BTNL3: variants seen among roughly 807,000 people sequenced by gnomAD.
BTNL3 encodes butyrophilin-like protein 3.
A neutral mutation model predicts 40.1 loss-of-function variants in BTNL3; 20 were observed. The ratio of observed to expected loss-of-function variants is 0.50; its 90% CI spans 0.35 to 0.72. The LOEUF is 0.72. BTNL3 is among the 30% of genes least tolerant of loss of function. The pLI is 0.01. For missense variants in BTNL3, 449 were observed against 582.2 expected, an observed-to-expected ratio of 0.77 and a Z score of 2.35; for synonymous variants, 179 against 222.1, an observed-to-expected ratio of 0.81 and a Z score of 1.73.
rs1052584765 is a variant in BTNL3 at position 180,999,851 on chromosome 5, A to C, written c.673+2363A>C. ...GTAAAATACAAAATCCGAAGGAAAG[A>C]TAGACTACCTGACTAATTTGTAACC... On this transcript the variant is annotated intron_variant, in intron 3 of 7. Coordinates refer to ENST00000342868, the MANE Select transcript of BTNL3 (RefSeq NM_197975.3). Among the ~76,000 whole-genome samples, 13 of 136,398 alleles carry C rather than the reference A, an allele frequency of 9.5e-5. 2 individuals are homozygous for C. The highest frequency in any genetic ancestry group is 2.2e-4 in the Non-Finnish European group (13 of 59,752). The allele number at this position is 136,398 out of a possible 152,430, so 89.5% of individuals were successfully genotyped here. A position where few individuals can be genotyped will look rare whatever the true frequency, so the allele number is the denominator to read the frequency against.
intron 2 of BTNL3, among the ~76,000 whole-genome samples, chr5:180,994,083 G>A (rs950256052): frequency 1.5e-5 from 2 of 137,042 alleles, no homozygotes; most frequent in Non-Finnish European, 3.3e-5. Context: ...GATTACAGGT[G>A]TGAGCCACCA....
At chr5:181,004,996 G>A (rs553113439) in intron 7 of BTNL3, among the ~76,000 whole-genome samples, 1 of 152,250 alleles carries the variant, frequency 6.6e-6, no homozygotes, top group East Asian at 1.9e-4. Flanking sequence ...TTAGTAGCTG[G>A]CTTCTAGGGG....
At position 181,005,771 on chromosome 5, in the gene BTNL3, A is replaced by G. The variant is rs778642722; in HGVS notation, c.1300A>G (p.Thr434Ala). 5.0e-6 allele frequency: 8 copies of G among 1,614,064 alleles called. No homozygotes were observed. The South Asian group carries it at 5.5e-5, about 11-fold the overall frequency. The change falls in exon 8 of 8, where the codon ACA (threonine) becomes GCA (alanine). Residue 434 changes from threonine to alanine, a missense_variant. By Grantham distance (58) the Thr-to-Ala change is moderately conservative. Transcript: ENST00000342868. Reference sequence around the variant, plus strand: ...CCAGTCCCTTATTTATACCCTGCTGACATGTCAGTTTGAAGGCTTGTTGAG... The same window carrying G: ...CCAGTCCCTTATTTATACCCTGCTGGCATGTCAGTTTGAAGGCTTGTTGAG... ...NDQSLIYTLL[T>A]CQFEGLLRPY...
chr5:181,003,911 T>C (rs776344178), intron 5 of BTNL3, 35 bp downstream of exon 5: 1 of 1,613,878 alleles, frequency 6.2e-7, no homozygotes. Context: ...CACACATGGT[T>C]CTCCCGGGTC....
Position 181,006,077 on chromosome 5 carries a change from G to A in BTNL3, c.*205G>A. ...ACAGCTTCCAGATGAGGGGGGATTG[G>A]CCTGACCCTGTGGGAGTCAGAAGCC... is the stretch of plus-strand genomic sequence containing the variant. On this transcript the variant is annotated 3_prime_UTR_variant, in exon 8 of 8. Coordinates refer to ENST00000342868, the MANE Select transcript of BTNL3 (RefSeq NM_197975.3). 1.8e-6 allele frequency: 1 copy of A among 569,472 alleles called. No individual in the cohort carries two copies. The highest frequency in any genetic ancestry group is 3.3e-5 in the South Asian group (1 of 30,522). The allele number at this position is 569,472 out of a possible 1,614,324, so 35.3% of individuals were successfully genotyped here.
In BTNL3 at chr5:181,001,504, G is replaced by GGGA. The variant is rs1554149547; in HGVS notation, c.674-1166_674-1165insAGG. Among the ~76,000 whole-genome samples the GGGA allele has an allele frequency of 4.6e-5, 6 of 129,672 alleles. 2 individuals carry two copies. The highest frequency in any genetic ancestry group is 2.3e-4 in the South Asian group (1 of 4,258). The allele number at this position is 129,672 out of a possible 152,430, so 85.1% of individuals were successfully genotyped here. A position where few individuals can be genotyped will look rare whatever the true frequency, so the allele number is the denominator to read the frequency against. ...AATTTTAAATATTTTTATAGATGGG[G>GGGA]GGGGGTCTCACTTTGTTGCCTAGAC... On this transcript the variant is annotated intron_variant, in intron 3 of 7. Coordinates refer to ENST00000342868, the MANE Select transcript of BTNL3 (RefSeq NM_197975.3).
rs544249248 is a variant in BTNL3, at chr5:180,992,553, C to T, written c.50-260C>T. On this transcript the variant is annotated intron_variant, in intron 1 of 7. Coordinates refer to ENST00000342868, the MANE Select transcript of BTNL3 (RefSeq NM_197975.3). The stretch of plus-strand genomic sequence containing the variant: ...CCCCTGAATAACTCATCCCCAGAGA[C>T]AGGGTTTCCTCATGTTGAATGTGGG... 5.8e-5 allele frequency among the ~76,000 whole-genome samples: 8 copies of T among 137,154 alleles called. 2 individuals are homozygous for T. The South Asian group carries it at 1.7e-3, about 30-fold the overall frequency. 90.0% of individuals were successfully genotyped at this position (137,154 alleles called of 152,430 possible). A position where few individuals can be genotyped will look rare whatever the true frequency, so the allele number is the denominator to read the frequency against.
At chr5:181,003,176 C>T (rs1339840917) in intron 4 of BTNL3, among the ~76,000 whole-genome samples, 1 of 134,096 alleles carries the variant, frequency 7.5e-6, no homozygotes, top group African/African-American at 2.6e-5. Flanking sequence ...GGCAACATGG[C>T]GAGAACTCCT....
At chr5:181,004,850 A>C (rs1358207513) in intron 7 of BTNL3, 88 bp downstream of exon 7, 1 of 1,612,276 alleles carries the variant, frequency 6.2e-7, no homozygotes. Flanking sequence ...GTAGACAGCA[A>C]ATCTGTGATG....
chr5:180,996,139 T>C lies in BTNL3; in HGVS notation c.398-1074T>C, dbSNP rs563295177. ...GTGGTTAAAAGGCAATATTAAATCA[T>C]AAAATTGAAGTCAACCACATAAGAG... On this transcript the variant is annotated intron_variant, in intron 2 of 7. Transcript: ENST00000342868. Among the ~76,000 whole-genome samples, 15 of 136,882 alleles carry C rather than the reference T, an allele frequency of 1.1e-4. 3 individuals are homozygous for C. The South Asian group carries it at 3.3e-3, about 30-fold the overall frequency. 89.8% of individuals were successfully genotyped at this position (136,882 alleles called of 152,430 possible).
Position 181,002,761 on chromosome 5 carries a change from A to C in BTNL3, c.763A>C (p.Ile255Leu). 6.9e-7 allele frequency: 1 copy of C among 1,454,080 alleles called. No individual in the cohort carries two copies. The highest frequency in any genetic ancestry group is 9.5e-7 in the Non-Finnish European group (1 of 1,053,712). 90.1% of individuals were successfully genotyped at this position (1,454,080 alleles called of 1,614,324 possible). The change falls in exon 4 of 8, where the codon ATA becomes CTA. Residue 255 changes from isoleucine to leucine, a missense_variant. Physicochemically the swap from Ile to Leu is conservative, Grantham distance 5 (BLOSUM62 2). This residue lies in a region of BTNL3 where 323 missense variants were observed against 464.9 expected (regional missense o/e 0.69). Transcript: ENST00000342868. ...GALCGVVMGM[I>L]IVFFKSKGKI... ...CCTGTGTGGTGTTGTCATGGGGATG[A>C]TAATTGTTTTCTTCAAATCCAAAGG...
rs563291956 is a variant in BTNL3, at chr5:181,000,540, C to T, written c.674-2132C>T. ...TCATAACATAGGCCGGGCGCGGTGG[C>T]TCACGCCTGTAATCCCAGCACTTTG... On this transcript the variant is annotated intron_variant, in intron 3 of 7. Transcript: ENST00000342868. Among the ~76,000 whole-genome samples, 4 of 136,524 alleles carry T rather than the reference C, an allele frequency of 2.9e-5. 2 individuals carry two copies. The East Asian group carries it at 8.6e-4, about 29-fold the overall frequency. 89.6% of individuals were successfully genotyped at this position (136,524 alleles called of 152,430 possible). A position where few individuals can be genotyped will look rare whatever the true frequency, so the allele number is the denominator to read the frequency against.
chr5:181,005,362 T>C lies in BTNL3; in HGVS notation c.891T>C (p.Ala297=). Residue 297 remains alanine, a synonymous_variant, in exon 8 of 8, where the codon GCT becomes GCC. Transcript: ENST00000342868. ...AVEVTLDPET[A]HPKLCVSDLK... ...AGGTGACTCTGGATCCAGAGACGGCTCACCCGAAGCTCTGCGTTTCTGATC... is the reference window on the plus strand; with the variant it reads ...AGGTGACTCTGGATCCAGAGACGGCCCACCCGAAGCTCTGCGTTTCTGATC... 3.7e-6 allele frequency: 6 copies of C among 1,612,362 alleles called. No individual in the cohort carries two copies. Among genetic ancestry groups the C allele is most frequent in the Non-Finnish European group, 4.2e-6 (5 of 1,179,538 alleles).
chr5:181,000,534 C>T lies in BTNL3; in HGVS notation c.674-2138C>T, dbSNP rs964454777. On this transcript the variant is annotated intron_variant, in intron 3 of 7. Transcript: ENST00000342868. ...TTAAAATCATAACATAGGCCGGGCG[C>T]GGTGGCTCACGCCTGTAATCCCAGC... 2.2e-5 allele frequency among the ~76,000 whole-genome samples: 3 copies of T among 136,556 alleles called. 1 individual carries two copies. Among genetic ancestry groups the T allele is most frequent in the Non-Finnish European group, 3.3e-5 (2 of 59,828 alleles). The allele number at this position is 136,556 out of a possible 152,430, so 89.6% of individuals were successfully genotyped here.
At position 180,992,834 on chromosome 5, in the gene BTNL3, C is replaced by T. The variant is rs777131989; in HGVS notation, c.71C>T (p.Pro24Leu). The part of the protein sequence containing the change: ...LVSGQWQVTG[P>L]GKFVQALVGE... ...ATAGGACAGTGGCAAGTCACTGGACCGGGCAAGTTTGTCCAGGCCTTGGTG... is the reference window on the plus strand; with the variant it reads ...ATAGGACAGTGGCAAGTCACTGGACTGGGCAAGTTTGTCCAGGCCTTGGTG... The change falls in exon 2 of 8, where the codon CCG becomes CTG. Residue 24 changes from proline (P) to leucine (L), a missense_variant. Pro to Leu is a moderately conservative substitution (Grantham distance 98). This residue lies in a region of BTNL3 where 323 missense variants were observed against 464.9 expected (regional missense o/e 0.69). Transcript: ENST00000342868. 1.2e-5 allele frequency: 17 copies of T among 1,462,962 alleles called. 3 individuals are homozygous for T. The highest frequency in any genetic ancestry group is 1.0e-4 in the South Asian group (9 of 89,276). The allele number at this position is 1,462,962 out of a possible 1,614,324, so 90.6% of individuals were successfully genotyped here. A position where few individuals can be genotyped will look rare whatever the true frequency, so the allele number is the denominator to read the frequency against.
intron 4 of BTNL3, among the ~76,000 whole-genome samples, chr5:181,003,220 T>C (rs971208520): frequency 7.5e-6 from 1 of 132,848 alleles, no homozygotes; most frequent in African/African-American, 2.6e-5. Context: ...TAAAATAAAA[T>C]AATTAGCTGG....
At chr5:181,004,629 G>C in intron 6 of BTNL3, 107 bp from the exon 7 acceptor site, 1 of 1,611,414 alleles carries the variant, frequency 6.2e-7, no homozygotes, top group African/African-American at 1.3e-5. Flanking sequence ...GATCTCTGGA[G>C]GGTCCACAAC....
Position 181,005,840 on chromosome 5 carries a change from C to A in BTNL3, c.1369C>A (p.Pro457Thr). 6.2e-7 allele frequency: 1 copy of A among 1,612,122 alleles called. No homozygotes were observed. Among genetic ancestry groups the A allele is most frequent in the African/African-American group, 1.3e-5 (1 of 75,004 alleles). The change falls in exon 8 of 8, where the codon CCC becomes ACC. Residue 457 changes from proline (P) to threonine (T), a missense_variant. Pro to Thr is a conservative substitution (Grantham distance 38). Coordinates refer to ENST00000342868, the MANE Select transcript of BTNL3 (RefSeq NM_197975.3). ...HAMYDEEKGT[P>T]IFICPVSWG ...GATGTATGACGAGGAAAAGGGGACT[C>A]CCATATTCATATGTCCAGTGTCCTG...
At chr5:181,005,202 A>G in intron 7 of BTNL3, 132 bp from the exon 8 acceptor site, 1 of 1,488,028 alleles carries the variant, frequency 6.7e-7, no homozygotes, top group Non-Finnish European at 9.1e-7. Context: ...GAGAAGGTAC[A>G]TGGCTGGTGG....
Sources: gnomAD v4.1 joint callset for allele counts (sites outside exome capture counted in the v4.1 genomes callset) on GRCh38, gnomAD v4.1.1 for gene constraint, gnomAD v4.1.1 regional missense constraint, MANE v1.5 for transcripts, NCBI Gene and HGNC (gene_info 2026-07-23, HGNC 2026-07-21) for gene names.